LGR5: variants seen among roughly 807,000 people sequenced by gnomAD.
LGR5 encodes the protein leucine-rich repeat-containing G protein-coupled receptor 5.
In LGR5, 54 loss-of-function variants were observed where a neutral mutation model predicts 76.7. That is an observed-to-expected ratio of 0.70 (90% CI 0.57 to 0.88). The LOEUF is 0.88. Among genes scored for constraint, LGR5 ranks in the 40% least tolerant of loss-of-function variants. The pLI is 0.00. For missense variants in LGR5, 1,078 were observed against 1,073.3 expected (o/e 1.00, Z -0.06); for synonymous variants, 406 against 421.9 (o/e 0.96, Z 0.46).
chr12:71,516,379 T>C (rs961279306), intron 2 of LGR5, among the ~76,000 whole-genome samples: 1 of 152,148 alleles, frequency 6.6e-6, no homozygotes, highest in African/African-American at 2.4e-5. Flanking sequence ...GGAGGTCTGG[T>C]AGATCTAGCC....
At chr12:71,464,460 A>G (rs1872786004) in intron 1 of LGR5, among the ~76,000 whole-genome samples, 1 of 152,230 alleles carries the variant, frequency 6.6e-6, no homozygotes, top group Non-Finnish European at 1.5e-5. Flanking sequence ...ACATGACATG[A>G]AATACACTTA....
intron 3 of LGR5, among the ~76,000 whole-genome samples, chr12:71,533,013 C>G (rs1364530099): frequency 6.6e-6 from 1 of 152,036 alleles, no homozygotes; most frequent in Non-Finnish European, 1.5e-5. Context: ...GGCAACAAAG[C>G]AAGATTCTCC....
At chr12:71,503,716 T>C (rs1201136270) in intron 1 of LGR5, among the ~76,000 whole-genome samples, 1 of 152,192 alleles carries the variant, frequency 6.6e-6, no homozygotes, top group Non-Finnish European at 1.5e-5. Context: ...AAGTTCTGAA[T>C]CTTCAGGTTC....
At chr12:71,461,156 G>A (rs1872670059) in intron 1 of LGR5, among the ~76,000 whole-genome samples, 1 of 152,146 alleles carries the variant, frequency 6.6e-6, no homozygotes, top group African/African-American at 2.4e-5. Flanking sequence ...GATGACCTAT[G>A]TGTCTGCCCT....
At chr12:71,447,548 T>C (rs1490191385) in intron 1 of LGR5, among the ~76,000 whole-genome samples, 2 of 152,196 alleles carry the variant, frequency 1.3e-5, no homozygotes, top group Admixed American at 1.3e-4. Flanking sequence ...TTTTCAAATG[T>C]CCTATTTTTT....
At chr12:71,448,084 A>AAC (rs35911721) in intron 1 of LGR5, among the ~76,000 whole-genome samples, 40,286 of 145,540 alleles carry the variant, frequency 0.28, 5,423 homozygotes, top group Non-Finnish European at 0.31. Flanking sequence ...CACACACACA[A>AAC]ACACACACAC....
At chr12:71,505,275 G>T (rs889362956) in intron 2 of LGR5, among the ~76,000 whole-genome samples, 128 of 152,328 alleles carry the variant, frequency 8.4e-4, no homozygotes, top group African/African-American at 2.7e-3. Flanking sequence ...AAAGGAGGAA[G>T]CTAAAATTAG....
At chr12:71,451,740 G>A (rs1333903419) in intron 1 of LGR5, among the ~76,000 whole-genome samples, 1 of 152,118 alleles carries the variant, frequency 6.6e-6, no homozygotes, top group Non-Finnish European at 1.5e-5. Context: ...CTTGTATATT[G>A]ACCATGTTTT....
At chr12:71,469,048 T>A (rs539934863) in intron 1 of LGR5, among the ~76,000 whole-genome samples, 17 of 152,256 alleles carry the variant, frequency 1.1e-4, no homozygotes, top group African/African-American at 4.1e-4. Flanking sequence ...TTTTTGTATT[T>A]TCGTTTAGTT....
rs529129320 is a variant in LGR5, at chr12:71,456,486, G to A, written c.212+16194G>A. ...AATGTTGCAGCTGCATTGTGATTCC[G>A]CTTGGTTGGTTTGTTAAAAGTCGGC... On this transcript the variant is annotated intron_variant, in intron 1 of 17. Coordinates refer to ENST00000266674, the MANE Select transcript of LGR5 (RefSeq NM_003667.4). 1.5e-4 allele frequency among the ~76,000 whole-genome samples: 23 copies of A among 152,180 alleles called. 1 individual carries two copies. In the South Asian group the frequency reaches 3.1e-3, roughly 21 times the overall value.
intron 3 of LGR5, among the ~76,000 whole-genome samples, chr12:71,531,641 G>A (rs1876314931): frequency 6.6e-6 from 1 of 152,162 alleles, no homozygotes; most frequent in Non-Finnish European, 1.5e-5. Context: ...GCCAAGGTGG[G>A]TAGATCATTT....
At chr12:71,456,184 A>C (rs1872465457) in intron 1 of LGR5, among the ~76,000 whole-genome samples, 1 of 152,174 alleles carries the variant, frequency 6.6e-6, no homozygotes, top group Non-Finnish European at 1.5e-5. Flanking sequence ...TTAAATTCAA[A>C]TTTAGATAAG....
intron 9 of LGR5, 55 bp from the exon 10 acceptor site, chr12:71,566,577 A>ATCC: frequency 6.5e-7 from 1 of 1,550,040 alleles, no homozygotes; most frequent in Non-Finnish European, 8.9e-7. Context: ...TGGCAATAAA[A>ATCC]ATTACCCCTG....
chr12:71,544,635 G>T (rs535835222), intron 4 of LGR5, among the ~76,000 whole-genome samples: 1 of 150,920 alleles, frequency 6.6e-6, no homozygotes, highest in South Asian at 2.1e-4. Flanking sequence ...AGTACATATA[G>T]ATTAAATAAT....
rs565147791 is a variant in LGR5, at chr12:71,522,956, G to T, written c.285-1450G>T. On this transcript the variant is annotated intron_variant, in intron 2 of 17. Transcript: ENST00000266674. ...CCCAAGATAAGCAGAGCCTCTTGGA[G>T]AGGTCCTAGGACCTTCTTATGTTGC... is the stretch of plus-strand genomic sequence containing the variant. Among the ~76,000 whole-genome samples, 200 of 152,320 alleles carry T rather than the reference G, an allele frequency of 1.3e-3. 1 individual carries two copies. The highest frequency in any genetic ancestry group is 4.7e-3 in the African/African-American group (195 of 41,590).
At chr12:71,530,996 GA>G (rs35134425) in intron 3 of LGR5, among the ~76,000 whole-genome samples, 12,713 of 138,586 alleles carry the variant, frequency 0.092, 630 homozygotes, top group African/African-American at 0.15. Flanking sequence ...GTCCTGTTGG[GA>G]AAAAAAAAAA....
At chr12:71,550,419 C>A (rs1365412984) in intron 4 of LGR5, among the ~76,000 whole-genome samples, 5 of 150,820 alleles carry the variant, frequency 3.3e-5, no homozygotes, top group Admixed American at 6.6e-5. Context: ...AGGCATGAAC[C>A]ACTGCGCGCA....
intron 4 of LGR5, among the ~76,000 whole-genome samples, chr12:71,544,316 CTTT>C (rs5799045): frequency 1.7e-4 from 6 of 34,866 alleles, no homozygotes; most frequent in Admixed American, 3.5e-4. Flanking sequence ...TCTTCTTCTT[CTTT>C]TTTTTTTTTT....
At chr12:71,583,388 G>A in intron 17 of LGR5, 1 of 462,976 alleles carries the variant, frequency 2.2e-6, no homozygotes, top group East Asian at 3.5e-5. Context: ...CTTCAATTAA[G>A]TGATCGAAAT....
Sources: allele counts gnomAD v4.1 joint callset (sites outside exome capture counted in the v4.1 genomes callset), GRCh38; gene constraint gnomAD v4.1.1; transcripts MANE v1.5; gene names NCBI Gene and HGNC (gene_info 2026-07-23, HGNC 2026-07-21).